The following IL12B variants were observed in gnomAD, a reference collection of about 807,000 sequenced individuals.
The protein encoded by IL12B is interleukin 12B.
In IL12B, 27 loss-of-function variants were observed where a neutral mutation model predicts 39.2. The ratio of observed to expected loss-of-function variants is 0.69; its 90% CI spans 0.51 to 0.95. IL12B has a LOEUF of 0.95. Among genes scored for constraint, IL12B ranks in the 40% least tolerant of loss-of-function variants. The pLI is 0.00. For synonymous variants in IL12B, 142 were observed against 152.1 expected, an observed-to-expected ratio of 0.93 and a Z score of 0.49; for missense variants, 351 against 397.6, an observed-to-expected ratio of 0.88 and a Z score of 1.00.
intron 6 of IL12B, among the ~76,000 whole-genome samples, chr5:159,317,783 T>C (rs537545545): frequency 1.3e-5 from 2 of 152,360 alleles, no homozygotes; most frequent in African/African-American, 4.8e-5. Flanking sequence ...TGTTCTATCA[T>C]TCATTACATG....
At chr5:159,319,102 A>G (rs1408536354) in intron 5 of IL12B, among the ~76,000 whole-genome samples, 1 of 152,178 alleles carries the variant, frequency 6.6e-6, no homozygotes, top group Non-Finnish European at 1.5e-5. Flanking sequence ...ATCAATGGCC[A>G]CATCTCAGAT....
At chr5:159,320,988 T>TTCTC (rs563454736) in intron 4 of IL12B, among the ~76,000 whole-genome samples, 1 of 149,722 alleles carries the variant, frequency 6.7e-6, no homozygotes, top group South Asian at 2.1e-4. Context: ...TTCTTTTTCT[T>TTCTC]TCTCTCTCTC....
At chr5:159,327,882 G>C (rs1022669984) in intron 1 of IL12B, among the ~76,000 whole-genome samples, 3 of 152,094 alleles carry the variant, frequency 2.0e-5, no homozygotes, top group African/African-American at 2.4e-5. Context: ...AAAATCTTCC[G>C]ATTGCAAAAA....
intron 5 of IL12B, among the ~76,000 whole-genome samples, chr5:159,319,258 C>T (rs1754044132): frequency 6.6e-6 from 1 of 152,214 alleles, no homozygotes. Context: ...CCTCACTTTG[C>T]ACTGAACATG....
At position 159,315,621 on chromosome 5, in the gene IL12B, G is replaced by A. The variant is rs1434057788; in HGVS notation, c.*480C>T. Reference sequence around the variant, plus strand: ...TCTCTTGCGTTCCCATCCATCACAAGTGTATGATGGCACTGGTATCAGAAC... The same window carrying A: ...TCTCTTGCGTTCCCATCCATCACAAATGTATGATGGCACTGGTATCAGAAC... On this transcript the variant is annotated 3_prime_UTR_variant, in exon 8 of 8. Transcript: ENST00000231228. 6.5e-6 allele frequency: 1 copy of A among 152,744 alleles called. No individual in the cohort carries two copies. The highest frequency in any genetic ancestry group is 1.5e-5 in the Non-Finnish European group (1 of 68,036). 9.5% of individuals were successfully genotyped at this position (152,744 alleles called of 1,614,324 possible). A position where few individuals can be genotyped will look rare whatever the true frequency, so the allele number is the denominator to read the frequency against.
At chr5:159,321,001 TC>T (rs1306349464) in intron 4 of IL12B, among the ~76,000 whole-genome samples, 5 of 124,574 alleles carry the variant, frequency 4.0e-5, no homozygotes, top group Admixed American at 3.5e-4. Flanking sequence ...TCTCTCTCTC[TC>T]TCTTTTTTTT....
intron 6 of IL12B, 137 bp from the exon 7 acceptor site, chr5:159,316,953 G>T (rs890924951): frequency 1.1e-5 from 10 of 936,814 alleles, no homozygotes; most frequent in African/African-American, 9.7e-5. Context: ...ATTCACAGGG[G>T]TGTGCATAGA....
In IL12B at chr5:159,322,529, A is replaced by C; in HGVS notation, c.365-18T>G. On this transcript the variant is annotated intron_variant, in intron 3 of 7. Transcript: ENST00000231228. ...TTTGGGTTCTGGATTTGAAAAAAAC[A>C]AAAATTCAATATTTAGGAGTTTTTT... 6.6e-7 allele frequency: 1 copy of C among 1,519,322 alleles called. No homozygotes were observed. The highest frequency in any genetic ancestry group is 9.1e-7 in the Non-Finnish European group (1 of 1,093,776). 94.1% of individuals were successfully genotyped at this position (1,519,322 alleles called of 1,614,324 possible). A position where few individuals can be genotyped will look rare whatever the true frequency, so the allele number is the denominator to read the frequency against.
chr5:159,327,663 C>A (rs538861114), intron 1 of IL12B, among the ~76,000 whole-genome samples: 1 of 152,178 alleles, frequency 6.6e-6, no homozygotes, highest in Non-Finnish European at 1.5e-5. Flanking sequence ...CCAGGGGAAG[C>A]AGATGCTGCT....
intron 1 of IL12B, among the ~76,000 whole-genome samples, chr5:159,326,986 C>T (rs1584756788): frequency 6.6e-6 from 1 of 152,014 alleles, no homozygotes; most frequent in South Asian, 2.1e-4. Flanking sequence ...TACAGGAGTT[C>T]TATGGCAGTC....
rs898695200 is a variant in IL12B, at chr5:159,315,889, G to A, written c.*212C>T. Reference sequence around the variant, plus strand: ...CATGAAGGCCCATGGCAACTTGAGAGCTGGAAAATCTATACATAAATTAGC... The same window carrying A: ...CATGAAGGCCCATGGCAACTTGAGAACTGGAAAATCTATACATAAATTAGC... On this transcript the variant is annotated 3_prime_UTR_variant, in exon 8 of 8. Transcript: ENST00000231228. 47 of 152,430 alleles carry A rather than the reference G, an allele frequency of 3.1e-4. 2 individuals are homozygous for A. Among genetic ancestry groups the A allele is most frequent in the Non-Finnish European group, 1.5e-5 (1 of 68,030 alleles). 9.4% of individuals were successfully genotyped at this position (152,430 alleles called of 1,614,324 possible). A position where few individuals can be genotyped will look rare whatever the true frequency, so the allele number is the denominator to read the frequency against.
At position 159,321,625 on chromosome 5, in the gene IL12B, A is replaced by G. The variant is rs1029412363; in HGVS notation, c.482+769T>C. 5.9e-4 allele frequency among the ~76,000 whole-genome samples: 90 copies of G among 152,106 alleles called. 1 individual carries two copies. The highest frequency in any genetic ancestry group is 2.1e-3 in the African/African-American group (89 of 41,406). On this transcript the variant is annotated intron_variant, in intron 4 of 7. Transcript: ENST00000231228. The stretch of plus-strand genomic sequence containing the variant: ...ATGACTGCACATTAAGCAAGAGTAT[A>G]GTGTACCATGTTTTATTTAACCATT...
intron 2 of IL12B, among the ~76,000 whole-genome samples, chr5:159,324,841 G>GT (rs1357952310): frequency 6.6e-6 from 1 of 152,174 alleles, no homozygotes; most frequent in Non-Finnish European, 1.5e-5. Context: ...AGAATATAAA[G>GT]TTTTCACTTT....
chr5:159,322,579 A>G (rs1475431464), intron 3 of IL12B, 68 bp from the exon 4 acceptor site: 2 of 978,384 alleles, frequency 2.0e-6, no homozygotes, highest in Non-Finnish European at 1.6e-6. Context: ...ATTGTGATGA[A>G]TCACAGATCA....
At position 159,323,124 on chromosome 5, in the gene IL12B, G is replaced by A. The variant is rs1431364350; in HGVS notation, c.294C>T (p.Ser98=). ...TTTTGTGAAGCAGCAGGAGCGAATG[G>A]CTTAGAACCTCGCCTCCTTTGTGAC... ...YTCHKGGEVL[S]HSLLLLHKKE... is the part of the protein sequence containing the mutation. Residue 98 remains serine (S), a synonymous_variant, in exon 3 of 8, where the codon AGC becomes AGT. Transcript: ENST00000231228. The A allele has an allele frequency of 6.2e-7, 1 of 1,614,126 alleles. No individual in the cohort carries two copies. Among genetic ancestry groups the A allele is most frequent in the East Asian group, 2.2e-5 (1 of 44,886 alleles).
chr5:159,328,657 C>A (rs1315967916), intron 1 of IL12B, among the ~76,000 whole-genome samples: 1 of 152,122 alleles, frequency 6.6e-6, no homozygotes, highest in East Asian at 1.9e-4. Context: ...CCTGTAAAAC[C>A]CAGAGGCTGG....
intron 6 of IL12B, among the ~76,000 whole-genome samples, chr5:159,317,311 T>C (rs1261001890): frequency 6.6e-6 from 1 of 152,232 alleles, no homozygotes; most frequent in Non-Finnish European, 1.5e-5. Flanking sequence ...AATGCCTACT[T>C]CATAGAATTA....
chr5:159,319,367 G>C (rs1344086140), intron 5 of IL12B, among the ~76,000 whole-genome samples: 2 of 152,166 alleles, frequency 1.3e-5, no homozygotes, highest in Admixed American at 1.3e-4. Flanking sequence ...ACATGTCTTG[G>C]AGCAGTTACA....
chr5:159,325,957 T>C (rs1429834750), intron 2 of IL12B, among the ~76,000 whole-genome samples: 1 of 152,228 alleles, frequency 6.6e-6, no homozygotes, highest in East Asian at 1.9e-4. Flanking sequence ...TTAACTATTC[T>C]ATTAGTCTAC....
Sources: allele counts gnomAD v4.1 joint callset (sites outside exome capture counted in the v4.1 genomes callset), GRCh38; gene constraint gnomAD v4.1.1; transcripts MANE v1.5; gene names NCBI Gene and HGNC (gene_info 2026-07-23, HGNC 2026-07-21).